Variants in SLC12A7 observed in about 807,000 individuals in gnomAD.
SLC12A7 encodes the protein solute carrier family 12 member 7.
A neutral mutation model predicts 120.6 loss-of-function variants in SLC12A7; 100 were observed. The observed-to-expected ratio is 0.83, with a 90% CI of 0.71 to 0.98. The LOEUF (loss-of-function observed/expected upper bound fraction) is 0.98, where lower values mean the gene tolerates loss of function less well. Among genes scored for constraint, SLC12A7 ranks in the 50% least tolerant of loss-of-function variants. The pLI is 0.00. For synonymous variants in SLC12A7, 760 were observed against 678.0 expected (o/e 1.12, Z -1.88); for missense variants, 1,373 against 1,548.1 (o/e 0.89, Z 1.90).
the SLC12A7 span, among the ~76,000 whole-genome samples, chr5:1,143,211 C>G: frequency 1.3e-5 from 2 of 152,242 alleles, no homozygotes; most frequent in South Asian, 2.1e-4. Flanking sequence ...CGCCACCTCC[C>G]GCAGCGCTGG....
chr5:1,105,769 C>A (rs1742482104), intron 1 of SLC12A7, among the ~76,000 whole-genome samples: 1 of 152,242 alleles, frequency 6.6e-6, no homozygotes, highest in African/African-American at 2.4e-5. Context: ...ACCAGCCCCC[C>A]ATGTCAGTTA....
the SLC12A7 span, among the ~76,000 whole-genome samples, chr5:1,155,471 C>T: frequency 3.3e-5 from 5 of 152,012 alleles, no homozygotes; most frequent in Non-Finnish European, 7.4e-5. Flanking sequence ...CTGCAGGCCC[C>T]GGACAGGGCG....
the SLC12A7 span, among the ~76,000 whole-genome samples, chr5:1,130,556 G>C: frequency 4.8e-5 from 7 of 145,370 alleles, no homozygotes; most frequent in Admixed American, 1.4e-4. Flanking sequence ...TGCCCGCGCA[G>C]GTCCCCTCAC....
At chr5:1,069,691 T>A (rs1356259940) in intron 17 of SLC12A7, among the ~76,000 whole-genome samples, 6 of 152,174 alleles carry the variant, frequency 3.9e-5, no homozygotes, top group African/African-American at 1.4e-4. Flanking sequence ...AGCTCCCTGC[T>A]TTAGCAAGAA....
At chr5:1,111,043 AG>A (rs1742960785) in intron 1 of SLC12A7, among the ~76,000 whole-genome samples, 2 of 152,188 alleles carry the variant, frequency 1.3e-5, no homozygotes, top group Admixed American at 6.5e-5. Flanking sequence ...CCACTGCATG[AG>A]ACCCGGGCAC....
chr5:1,053,301 A>G (rs572547054), intron 23 of SLC12A7, 48 bp downstream of exon 23: 112 of 1,591,828 alleles, frequency 7.0e-5, no homozygotes, highest in Non-Finnish European at 9.1e-5. Context: ...GCGAGAAGCC[A>G]CCAGGGGGTG....
At chr5:1,142,512 CCTCTCCCCT>C in the SLC12A7 span, among the ~76,000 whole-genome samples, 1 of 94,278 alleles carries the variant, frequency 1.1e-5, no homozygotes, top group Non-Finnish European at 2.1e-5. Flanking sequence ...CCCTCTCTCC[CCTCTCCCCT>C]CTCTTCCCTG....
rs11133624 is a variant in SLC12A7 at position 1,085,489 on chromosome 5, C to A, written c.676-16G>T. ...AGATGTACGTCTGTGGGAACAAGGC[C>A]GGTCGGGAGGCCGTCCCCGGACACA... On this transcript the variant is annotated splice_polypyrimidine_tract_variant and intron_variant, in intron 6 of 23. Transcript: ENST00000264930. 732,610 of 1,585,916 alleles carry A rather than the reference C, an allele frequency of 0.46. 174,006 individuals carry two copies. Among genetic ancestry groups the A allele is most frequent in the East Asian group, 0.65 (28,284 of 43,578 alleles).
At chr5:1,132,671 GATC>G in the SLC12A7 span, among the ~76,000 whole-genome samples, 1 of 152,074 alleles carries the variant, frequency 6.6e-6, no homozygotes, top group Admixed American at 6.6e-5. Flanking sequence ...AGCTTCCTGA[GATC>G]ATCCTAATGT....
chr5:1,090,867 C>T (rs1022714022), intron 3 of SLC12A7, among the ~76,000 whole-genome samples: 3 of 152,200 alleles, frequency 2.0e-5, no homozygotes, highest in African/African-American at 4.8e-5. Flanking sequence ...CAATTTCAGG[C>T]GCGGGAGGCT....
At chr5:1,084,023 TCCC>T (rs2150856953) in intron 7 of SLC12A7, 67 bp from the exon 8 acceptor site, 1 of 1,408,132 alleles carries the variant, frequency 7.1e-7, no homozygotes. Context: ...CCCACCCAGC[TCCC>T]CCAACGGGCA....
chr5:1,105,136 T>C (rs2150906283), intron 1 of SLC12A7, among the ~76,000 whole-genome samples: 1 of 130,614 alleles, frequency 7.7e-6, no homozygotes, highest in South Asian at 2.7e-4. Flanking sequence ...AGGGATGAGG[T>C]CCTGCAGTCA....
At chr5:1,074,469 T>G in intron 16 of SLC12A7, 98 bp downstream of exon 16, 4 of 1,127,014 alleles carry the variant, frequency 3.5e-6, no homozygotes, top group East Asian at 2.4e-5. Context: ...CGGCTGAAGG[T>G]GAGAGGCCCC....
At chr5:1,152,431 C>T in the SLC12A7 span, among the ~76,000 whole-genome samples, 3 of 152,352 alleles carry the variant, frequency 2.0e-5, no homozygotes, top group African/African-American at 7.2e-5. Context: ...GTCAGACCTG[C>T]CTGTGCCCGT....
At chr5:1,059,862 T>G (rs113686383) in intron 21 of SLC12A7, among the ~76,000 whole-genome samples, 4,676 of 150,544 alleles carry the variant, frequency 0.031, 93 homozygotes, top group Non-Finnish European at 0.044. Context: ...CAGAAATCTG[T>G]GCATGCTGCG....
In SLC12A7 at chr5:1,081,426, G is replaced by C. The variant is rs897110088; in HGVS notation, c.1297+151C>G. 73 of 781,968 alleles carry C rather than the reference G, an allele frequency of 9.3e-5. 1 individual carries two copies. The South Asian group carries it at 1.5e-3, about 16-fold the overall frequency. 48.4% of individuals were successfully genotyped at this position (781,968 alleles called of 1,614,324 possible). A position where few individuals can be genotyped will look rare whatever the true frequency, so the allele number is the denominator to read the frequency against. ...GGGTCCCAGCTGCTTGGGAGACTCAGGTGGGAGGAATATTTGTGTCTAGGA... is the reference window on the plus strand; with the variant it reads ...GGGTCCCAGCTGCTTGGGAGACTCACGTGGGAGGAATATTTGTGTCTAGGA... On this transcript the variant is annotated intron_variant, in intron 9 of 23. Transcript: ENST00000264930.
chr5:1,053,092 G>A (rs1048498521), intron 23 of SLC12A7, among the ~76,000 whole-genome samples: 1 of 152,224 alleles, frequency 6.6e-6, no homozygotes, highest in Non-Finnish European at 1.5e-5. Context: ...GGGCAGCCCT[G>A]AGCACCTGGG....
At chr5:1,102,799 C>A (rs1213515049) in intron 1 of SLC12A7, among the ~76,000 whole-genome samples, 1 of 152,198 alleles carries the variant, frequency 6.6e-6, no homozygotes, top group Non-Finnish European at 1.5e-5. Flanking sequence ...CAGAATGAGT[C>A]CCACCTGGTG....
chr5:1,085,217 G>A lies in SLC12A7; in HGVS notation c.917+15C>T, dbSNP rs758006344. 9.3e-6 allele frequency: 15 copies of A among 1,611,052 alleles called. No individual in the cohort carries two copies. The highest frequency in any genetic ancestry group is 1.3e-5 in the Non-Finnish European group (15 of 1,179,082). On this transcript the variant is annotated intron_variant, in intron 7 of 23. Transcript: ENST00000264930. ...GCCCCACACCCACCCACGGCTCAGAGGCCCCGAGACTCACGGGATGTCCGG... is the reference window on the plus strand; with the variant it reads ...GCCCCACACCCACCCACGGCTCAGAAGCCCCGAGACTCACGGGATGTCCGG...
Sources: allele counts gnomAD v4.1 joint callset (sites outside exome capture counted in the v4.1 genomes callset), GRCh38; gene constraint gnomAD v4.1.1; transcripts MANE v1.5; gene names NCBI Gene and HGNC (gene_info 2026-07-23, HGNC 2026-07-21).